The following C3 variants were observed in gnomAD, a reference collection of about 807,000 sequenced individuals.
The protein encoded by C3 is C3 and PZP-like alpha-2-macroglobulin domain-containing protein 1.
Under a neutral mutation model 207.9 loss-of-function variants are expected in C3, and 97 were observed. The ratio of observed to expected loss-of-function variants is 0.47; its 90% CI spans 0.40 to 0.55. C3 has a LOEUF of 0.55. Ranked by LOEUF, C3 falls within the 20% of genes least tolerant of loss-of-function variation. The probability of loss-of-function intolerance (pLI) is 0.00; values close to 1 mark genes in which losing one functional copy is unlikely to be tolerated. For missense variants in C3, 1,684 were observed against 2,171.7 expected, an observed-to-expected ratio of 0.78 and a Z score of 4.46; for synonymous variants, 848 against 857.6, an observed-to-expected ratio of 0.99 and a Z score of 0.20.
rs1416576853 is a variant in C3 at position 6,714,436 on chromosome 19, C to G, written c.515G>C (p.Gly172Ala). The stretch of plus-strand genomic sequence containing the variant: ...CAAGGAGTCCTGCTTGACCGGGATG[C>G]CTTCCGGGTTCTGTGGGAGGCAGGA... ...TVMVNIENPE[G>A]IPVKQDSLSS... The change falls in exon 5 of 41, where the codon GGC becomes GCC. Residue 172 changes from glycine to alanine, a missense_variant. Transcript: ENST00000245907. 2 of 1,613,296 alleles carry G rather than the reference C, an allele frequency of 1.2e-6. No homozygotes were observed. The highest frequency in any genetic ancestry group is 1.7e-5 in the Admixed American group (1 of 60,010).
intron 4 of C3, among the ~76,000 whole-genome samples, 160 bp from the exon 5 acceptor site, chr19:6,714,606 C>A (rs924392160): frequency 9.9e-5 from 15 of 152,204 alleles, no homozygotes; most frequent in Non-Finnish European, 1.0e-4. Flanking sequence ...TCACGCCTGT[C>A]ATCCCAGCAC....
rs761927215 is a variant in C3, at chr19:6,686,805, A to T, written c.3587T>A (p.Leu1196Gln). 1 of 1,614,214 alleles carries T rather than the reference A, an allele frequency of 6.2e-7. No individual in the cohort carries two copies. Among genetic ancestry groups the T allele is most frequent in the South Asian group, 1.1e-5 (1 of 91,088 alleles). Residue 1196 changes from leucine to glutamine, a missense_variant, in exon 28 of 41, where the codon CTG becomes CAG. Physicochemically the swap from Leu to Gln is moderately radical, Grantham distance 113 (BLOSUM62 -2). This residue lies in a region of C3 where 1,280 missense variants were observed against 1,739.1 expected (regional missense o/e 0.74). Coordinates refer to ENST00000245907, the MANE Select transcript of C3 (RefSeq NM_000064.4). ...SYTVAIAGYA[L>Q]AQMGRLKGPL... The stretch of plus-strand genomic sequence containing the variant: ...CCCCTTCAGCCTGCCCATCTGGGCC[A>T]GAGCATAGCCAGCAATGGCCACAGT...
At chr19:6,691,074 G>GTTTTTTA (rs1918154939) in intron 26 of C3, among the ~76,000 whole-genome samples, 19 of 137,308 alleles carry the variant, frequency 1.4e-4, no homozygotes, top group South Asian at 2.3e-4. Flanking sequence ...TTTTTTTTTG[G>GTTTTTTA]GACAGTTTTG....
chr19:6,709,632 C>T, intron 14 of C3, 52 bp downstream of exon 14: 1 of 1,523,716 alleles, frequency 6.6e-7, no homozygotes, highest in Non-Finnish European at 9.0e-7. Flanking sequence ...TCCCCCAGCC[C>T]CAGCTCCGTG....
In C3 at chr19:6,678,257, C is replaced by T. The variant is rs772805401; in HGVS notation, c.4745G>A (p.Arg1582His). ...GSDEVQVGQQ[R>H]TFISPIKCRE... ...GCACTTGATGGGGCTGATGAACGTG[C>T]GCTGCTGTCCAACCTGCACCTCATC... The change falls in exon 40 of 41, where the codon CGC becomes CAC. Residue 1582 changes from arginine (R) to histidine (H), a missense_variant. Coordinates refer to ENST00000245907, the MANE Select transcript of C3 (RefSeq NM_000064.4). 41 of 1,614,024 alleles carry T rather than the reference C, an allele frequency of 2.5e-5. No individual in the cohort carries two copies. Among genetic ancestry groups the T allele is most frequent in the Non-Finnish European group, 3.4e-5 (40 of 1,180,044 alleles).
chr19:6,681,892 G>A (rs1278538780), intron 35 of C3, 49 bp downstream of exon 35: 3 of 1,348,804 alleles, frequency 2.2e-6, no homozygotes, highest in Non-Finnish European at 3.2e-6. Flanking sequence ...GCCAGATAGA[G>A]GTCAGGGTGC....
chr19:6,678,402 T>G lies in C3; in HGVS notation c.4684A>C (p.Ile1562Leu), dbSNP rs200834388. ...VQLSNDFDEY[I>L]MAIEQTIKSG... is the part of the protein sequence containing the mutation. ...TTGATGGTCTGCTCAATGGCCATGATGTACTCGTCAAAGTCATTGGACAGC... is the reference window on the plus strand; with the variant it reads ...TTGATGGTCTGCTCAATGGCCATGAGGTACTCGTCAAAGTCATTGGACAGC... Residue 1562 changes from isoleucine (I) to leucine (L), a missense_variant, in exon 39 of 41, where the codon ATC (isoleucine) becomes CTC (leucine). Ile to Leu is a conservative substitution (Grantham distance 5). Coordinates refer to ENST00000245907, the MANE Select transcript of C3 (RefSeq NM_000064.4). The G allele has an allele frequency of 2.5e-6, 4 of 1,614,154 alleles. No individual in the cohort carries two copies. The highest frequency in any genetic ancestry group is 1.6e-4 in the Middle Eastern group (1 of 6,062).
rs113993012 is a variant in C3, at chr19:6,690,822, C to T, written c.3391-95G>A. 1.8e-3 allele frequency: 1,650 copies of T among 938,738 alleles called. 23 individuals carry two copies. The African/African-American group carries it at 0.024, about 14-fold the overall frequency. The allele number at this position is 938,738 out of a possible 1,614,324, so 58.2% of individuals were successfully genotyped here. A position where few individuals can be genotyped will look rare whatever the true frequency, so the allele number is the denominator to read the frequency against. ...CAGATTCAGAATCAGGGGGTCTGGGCAGGGCTGAGTCTCTTCTAGGTGTTA... is the reference window on the plus strand; with the variant it reads ...CAGATTCAGAATCAGGGGGTCTGGGTAGGGCTGAGTCTCTTCTAGGTGTTA... On this transcript the variant is annotated intron_variant, in intron 26 of 40. Coordinates refer to ENST00000245907, the MANE Select transcript of C3 (RefSeq NM_000064.4).
Position 6,696,677 on chromosome 19 carries a change from TG to T in C3, c.2797-19del, listed in dbSNP as rs757588860. The stretch of plus-strand genomic sequence containing the variant: ...CCTTCCGGCTACGCAGTGTTAGAGG[TG>T]GGGGGAGTCGTTGGATGAATAAAAG... On this transcript the variant is annotated intron_variant, in intron 21 of 40. Transcript: ENST00000245907. The T allele has an allele frequency of 1.2e-6, 2 of 1,610,144 alleles. No homozygotes were observed.
In C3 at chr19:6,719,361, C is replaced by G; in HGVS notation, c.117G>C (p.Glu39Asp). The change falls in exon 2 of 41, where the codon GAG becomes GAC. Residue 39 changes from glutamate to aspartate, a missense_variant. Transcript: ENST00000245907. The surrounding 1 kb of genome is among the most constrained non-coding windows in gnomAD (Gnocchi z 5.4). ...CGTGGGCCTCCAGCACCATGGTCTC[C>G]TCGCTCTCCAGCCGCAAGATGTTGG... ...ITPNILRLES[E>D]ETMVLEAHDA... is the part of the protein sequence containing the mutation. The G allele has an allele frequency of 6.2e-7, 1 of 1,614,020 alleles. No homozygotes were observed. Among genetic ancestry groups the G allele is most frequent in the Non-Finnish European group, 8.5e-7 (1 of 1,179,970 alleles).
At position 6,694,490 on chromosome 19, in the gene C3, T is replaced by C; in HGVS notation, c.3095A>G (p.Glu1032Gly). 6.2e-7 allele frequency: 1 copy of C among 1,614,106 alleles called. No individual in the cohort carries two copies. The highest frequency in any genetic ancestry group is 8.5e-7 in the Non-Finnish European group (1 of 1,179,980). ...CTCTAGGCCGAACTTCTCCCACTGC[T>C]CCGTTTCATCCAGGTAATGCACAGC... Reference protein sequence around the residue: ...VIAVHYLDETEQWEKFGLEKR... With the variant: ...VIAVHYLDETGQWEKFGLEKR... Residue 1032 changes from glutamate to glycine, a missense_variant, in exon 24 of 41, where the codon GAG (glutamate) becomes GGG (glycine). Coordinates refer to ENST00000245907, the MANE Select transcript of C3 (RefSeq NM_000064.4).
intron 1 of C3, among the ~76,000 whole-genome samples, chr19:6,720,235 G>A (rs374269880): frequency 1.3e-5 from 2 of 150,842 alleles, no homozygotes; most frequent in African/African-American, 4.9e-5. Flanking sequence ...CCAATTCCAC[G>A]ATACCTGGAT....
chr19:6,688,834 C>T (rs1226994598), intron 27 of C3, among the ~76,000 whole-genome samples: 2 of 151,976 alleles, frequency 1.3e-5, no homozygotes, highest in Admixed American at 1.3e-4. Context: ...ACAGTGGAAA[C>T]AGCCATGTCT....
intron 4 of C3, chr19:6,717,449 TTG>T (rs1968054736): frequency 5.4e-6 from 1 of 183,914 alleles, no homozygotes; most frequent in Admixed American, 5.6e-5. Flanking sequence ...ATATGGTGTA[TTG>T]TGTGGTTGTG....
chr19:6,707,593 G>T, intron 15 of C3, 56 bp from the exon 16 acceptor site: 1 of 1,592,332 alleles, frequency 6.3e-7, no homozygotes, highest in Non-Finnish European at 8.6e-7. Context: ...AGGTGTCCTC[G>T]GTTCACCCCT....
chr19:6,700,183 C>T (rs1463572367), intron 19 of C3, among the ~76,000 whole-genome samples: 2 of 136,086 alleles, frequency 1.5e-5, no homozygotes, highest in African/African-American at 2.8e-5. Flanking sequence ...TATATGTTTA[C>T]ATAATATATT....
chr19:6,719,100 G>A lies in C3; in HGVS notation c.267+111C>T, dbSNP rs566100341. 3.8e-5 allele frequency: 37 copies of A among 978,562 alleles called. No individual in the cohort carries two copies. The East Asian group carries it at 8.1e-4, about 22-fold the overall frequency. 60.6% of individuals were successfully genotyped at this position (978,562 alleles called of 1,614,324 possible). A position where few individuals can be genotyped will look rare whatever the true frequency, so the allele number is the denominator to read the frequency against. On this transcript the variant is annotated intron_variant, in intron 2 of 40. Coordinates refer to ENST00000245907, the MANE Select transcript of C3 (RefSeq NM_000064.4). The surrounding 1 kb of genome is among the most constrained non-coding windows in gnomAD (Gnocchi z 5.4). The stretch of plus-strand genomic sequence containing the variant: ...CGACTCCGAAGGGGTGGAGTCTCAG[G>A]GAAGGGCAGGGCTTAGAAAGGGAGA...
At chr19:6,704,897 C>CAAA (rs1197483325) in intron 17 of C3, among the ~76,000 whole-genome samples, 7 of 114,942 alleles carry the variant, frequency 6.1e-5, no homozygotes, top group African/African-American at 2.2e-4. Context: ...GATTCCATCT[C>CAAA]AAAAAAAAAA....
chr19:6,689,731 C>T (rs969001918), intron 27 of C3, among the ~76,000 whole-genome samples: 2 of 151,576 alleles, frequency 1.3e-5, no homozygotes, highest in African/African-American at 4.8e-5. Flanking sequence ...CCTGTAATCC[C>T]AGCACTTTGG....
Sources: gnomAD v4.1 joint callset for allele counts (sites outside exome capture counted in the v4.1 genomes callset) on GRCh38, gnomAD v4.1.1 for gene constraint, gnomAD v4.1.1 regional missense constraint, Gnocchi (gnomAD v3.1) non-coding constraint, MANE v1.5 for transcripts, NCBI Gene and HGNC (gene_info 2026-07-23, HGNC 2026-07-21) for gene names.